The following SRGAP3 variants were observed in gnomAD, a reference collection of about 807,000 sequenced individuals.
SRGAP3 encodes SLIT-ROBO Rho GTPase activating protein 3.
A neutral mutation model predicts 121.1 loss-of-function variants in SRGAP3; 39 were observed. The observed-to-expected ratio is 0.32, with a 90% CI of 0.25 to 0.42. SRGAP3 has a LOEUF of 0.42. Among genes scored for constraint, SRGAP3 ranks in the 10% least tolerant of loss-of-function variants. The probability of loss-of-function intolerance (pLI) is 1.00; values close to 1 mark genes in which losing one functional copy is unlikely to be tolerated. For missense variants in SRGAP3, 1,213 were observed against 1,470.6 expected, an observed-to-expected ratio of 0.82 and a Z score of 2.86; for synonymous variants, 601 against 570.0, an observed-to-expected ratio of 1.05 and a Z score of -0.77.
intron 1 of SRGAP3, among the ~76,000 whole-genome samples, chr3:9,203,807 C>CA (rs1445009830): frequency 6.6e-6 from 1 of 152,232 alleles, no homozygotes; most frequent in Non-Finnish European, 1.5e-5. Flanking sequence ...ATACTGTGTT[C>CA]ACATAGCCCT....
At chr3:9,072,267 G>A (rs749128463) in intron 4 of SRGAP3, among the ~76,000 whole-genome samples, 9 of 152,152 alleles carry the variant, frequency 5.9e-5, no homozygotes, top group Non-Finnish European at 1.0e-4. Context: ...CTGTCGATCA[G>A]ATACCATCTC....
chr3:9,298,975 C>T (rs76818155), intron 3 of SRGAP3, among the ~76,000 whole-genome samples: 6,186 of 148,040 alleles, frequency 0.042, 355 homozygotes, highest in African/African-American at 0.13. Context: ...TCGCTTGAAC[C>T]AGGGAGGCAG....
chr3:9,255,016 A>G (rs1329897898), intron 3 of SRGAP3, among the ~76,000 whole-genome samples: 4 of 87,578 alleles, frequency 4.6e-5, no homozygotes, highest in Non-Finnish European at 1.1e-4. Flanking sequence ...AGGAAGGAAA[A>G]AGAAAGAGAA....
chr3:9,028,631 G>A (rs1030810946), intron 12 of SRGAP3, among the ~76,000 whole-genome samples: 15 of 152,194 alleles, frequency 9.9e-5, no homozygotes, highest in African/African-American at 3.4e-4. Context: ...TTGGTGAAAA[G>A]TTCAGTTCTA....
In SRGAP3 at chr3:8,992,948, G is replaced by C. The variant is rs764808410; in HGVS notation, c.2516C>G (p.Thr839Arg). 6.2e-7 allele frequency: 1 copy of C among 1,614,206 alleles called. No individual in the cohort carries two copies. Among genetic ancestry groups the C allele is most frequent in the Non-Finnish European group, 8.5e-7 (1 of 1,180,044 alleles). ...ASSKNDLQSP[T>R]EHISDYGFGG... ...AAAGCCGTAATCCGAGATGTGCTCC[G>C]TGGGGGACTGGAGGTCGTTTTTGGA... Residue 839 changes from threonine (T) to arginine (R), a missense_variant, in exon 20 of 22, where the codon ACG becomes AGG. Physicochemically the swap from Thr to Arg is moderately conservative, Grantham distance 71. Around this residue, in one of 2 missense-constraint regions of SRGAP3, gnomAD observed 420 missense variants for 437.7 expected, o/e 0.96. Coordinates refer to ENST00000383836, the MANE Select transcript of SRGAP3 (RefSeq NM_014850.4).
intron 3 of SRGAP3, among the ~76,000 whole-genome samples, chr3:9,320,649 C>A (rs916075355): frequency 2.5e-4 from 38 of 151,916 alleles, no homozygotes; most frequent in Non-Finnish European, 4.3e-4. Context: ...CTTTTATTTA[C>A]AAATTACACA....
At chr3:9,048,581 G>C (rs1167097098) in intron 9 of SRGAP3, among the ~76,000 whole-genome samples, 1 of 152,234 alleles carries the variant, frequency 6.6e-6, no homozygotes, top group Non-Finnish European at 1.5e-5. Flanking sequence ...AGCTGCTCAG[G>C]AGGCTGAGGT....
At chr3:9,247,723 C>T (rs1237768298) in intron 1 of SRGAP3, among the ~76,000 whole-genome samples, 2 of 152,178 alleles carry the variant, frequency 1.3e-5, no homozygotes, top group East Asian at 3.9e-4. Flanking sequence ...CCTCAAGGTC[C>T]GCTGAAGATG....
chr3:9,093,328 T>G (rs1947831740), intron 3 of SRGAP3, among the ~76,000 whole-genome samples: 1 of 152,206 alleles, frequency 6.6e-6, no homozygotes, highest in Admixed American at 6.5e-5. Context: ...ATTTCAAAAA[T>G]GTCTCTACCT....
chr3:9,353,968 A>G (rs1457002801), intron 1 of SRGAP3, among the ~76,000 whole-genome samples: 2 of 152,182 alleles, frequency 1.3e-5, no homozygotes, highest in Admixed American at 6.5e-5. Context: ...AGGAGTGCCA[A>G]TGAAACCCTT....
chr3:9,253,753 A>G (rs1053845902), upstream of SRGAP3, among the ~76,000 whole-genome samples: 1 of 152,210 alleles, frequency 6.6e-6, no homozygotes, highest in Non-Finnish European at 1.5e-5. Flanking sequence ...TGATGACAAC[A>G]TGCCTAATGT....
chr3:8,992,723 A>T lies in SRGAP3; in HGVS notation c.2558+183T>A. On this transcript the variant is annotated intron_variant, in intron 20 of 21. Transcript: ENST00000383836. ...TCCTCCTCCCTGCAACACAGGCTGG[A>T]TGGTTCTATACCTGGCCTTCTTGGG... 3 of 916,082 alleles carry T rather than the reference A, an allele frequency of 3.3e-6. No homozygotes were observed. In the South Asian group the frequency reaches 4.2e-5, roughly 13 times the overall value. 56.7% of individuals were successfully genotyped at this position (916,082 alleles called of 1,614,324 possible).
chr3:9,092,069 G>A (rs1947780694), intron 3 of SRGAP3, among the ~76,000 whole-genome samples: 3 of 152,018 alleles, frequency 2.0e-5, no homozygotes, highest in Non-Finnish European at 2.9e-5. Flanking sequence ...ATGCACACCC[G>A]GGAGCCCAGG....
chr3:9,355,977 G>T (rs1051818759), intron 1 of SRGAP3: 1 of 152,104 alleles, frequency 6.6e-6, no homozygotes, highest in South Asian at 2.1e-4. Context: ...CTACTTCCAT[G>T]ATAACAGCAT....
chr3:9,037,883 C>G, intron 11 of SRGAP3, 180 bp downstream of exon 11: 1 of 797,198 alleles, frequency 1.3e-6, no homozygotes, highest in Non-Finnish European at 2.0e-6. Context: ...CTTTGTCAGT[C>G]TAATGCTAGA....
chr3:9,046,048 TC>T (rs1945260921), intron 10 of SRGAP3, among the ~76,000 whole-genome samples: 1 of 152,058 alleles, frequency 6.6e-6, no homozygotes, highest in East Asian at 1.9e-4. Flanking sequence ...TACTGAAATG[TC>T]GGGATGGGTA....
chr3:9,327,943 T>A (rs1174183796), intron 2 of SRGAP3, among the ~76,000 whole-genome samples: 1 of 152,232 alleles, frequency 6.6e-6, no homozygotes, highest in Non-Finnish European at 1.5e-5. Flanking sequence ...TAACCTTCTT[T>A]GCATAGTTAC....
At position 9,298,846 on chromosome 3, in the gene SRGAP3, G is replaced by A. The variant is rs367589193; in HGVS notation, n.442+27164C>T. Among the ~76,000 whole-genome samples the A allele has an allele frequency of 9.9e-5, 15 of 152,096 alleles. No homozygotes were observed. The East Asian group carries it at 2.7e-3, about 28-fold the overall frequency. On this transcript the variant is annotated intron_variant and non_coding_transcript_variant, in intron 3 of 3. Transcript: ENST00000490889. ...GCAGGCAGATCACTTGAGGCCAGGA[G>A]TTTGAGACCAGCCTGGCCAACATGG...
At chr3:9,065,624 TTC>T (rs1354986034) in intron 4 of SRGAP3, 8 of 152,252 alleles carry the variant, frequency 5.3e-5, no homozygotes, top group Admixed American at 2.6e-4. Context: ...CCTCTTTTCA[TTC>T]AGCATAACTT....
Sources: allele counts gnomAD v4.1 joint callset (sites outside exome capture counted in the v4.1 genomes callset), GRCh38; gene constraint gnomAD v4.1.1; regional missense constraint gnomAD v4.1.1; transcripts MANE v1.5; gene names NCBI Gene and HGNC (gene_info 2026-07-23, HGNC 2026-07-21).